FGD5: variants seen among roughly 807,000 people sequenced by gnomAD.
FGD5 encodes the protein FYVE, RhoGEF and PH domain-containing protein 5.
In FGD5, 28 loss-of-function variants were observed where a neutral mutation model predicts 133.4. The observed-to-expected ratio is 0.21, with a 90% CI of 0.16 to 0.29. FGD5 has a LOEUF of 0.29. Among genes scored for constraint, FGD5 ranks in the 10% least tolerant of loss-of-function variants. The pLI, the probability that FGD5 is intolerant of heterozygous loss-of-function variation, is 1.00. For synonymous variants in FGD5, 810 were observed against 776.5 expected (o/e 1.04, Z -0.72); for missense variants, 1,858 against 1,895.2 (o/e 0.98, Z 0.36).
At chr3:14,812,862 G>C (rs1477744941) in intron 1 of FGD5, among the ~76,000 whole-genome samples, 1 of 152,190 alleles carries the variant, frequency 6.6e-6, no homozygotes, top group Non-Finnish European at 1.5e-5. Flanking sequence ...GTAAATACCA[G>C]CTAATATTTA....
intron 11 of FGD5, among the ~76,000 whole-genome samples, chr3:14,914,654 A>G (rs998552803): frequency 5.9e-5 from 9 of 152,138 alleles, no homozygotes; most frequent in African/African-American, 2.2e-4. Flanking sequence ...GCACAGGTTC[A>G]CTGTGAGAGC....
Position 14,844,216 on chromosome 3 carries a change from AAATATATATATATATATAT to A in FGD5, c.2526-19910_2526-19892del, listed in dbSNP as rs1352861650. On this transcript the variant is annotated intron_variant, in intron 1 of 19. Coordinates refer to ENST00000285046, the MANE Select transcript of FGD5 (RefSeq NM_152536.4). ...TCTTAATAGGCATTAAAAAAAAAAA[AAATATATATATATATATAT>A]ATATATATATATATATATATATATA... Among the ~76,000 whole-genome samples the A allele has an allele frequency of 2.8e-3, 85 of 30,382 alleles. 7 individuals carry two copies. Among genetic ancestry groups the A allele is most frequent in the African/African-American group, 3.9e-3 (24 of 6,140 alleles). The allele number at this position is 30,382 out of a possible 152,430, so 19.9% of individuals were successfully genotyped here.
chr3:14,925,181 T>G (rs2038776403), intron 17 of FGD5, among the ~76,000 whole-genome samples: 1 of 150,466 alleles, frequency 6.6e-6, no homozygotes, highest in African/African-American at 2.5e-5. Context: ...GCACATATGA[T>G]GAAAAGTGAG....
At chr3:14,884,679 C>T (rs898910974) in intron 4 of FGD5, among the ~76,000 whole-genome samples, 1 of 152,206 alleles carries the variant, frequency 6.6e-6, no homozygotes, top group Admixed American at 6.5e-5. Context: ...GAGTTGGTCT[C>T]TGTTCCATGA....
At chr3:14,899,706 C>A (rs1385072977) in intron 7 of FGD5, among the ~76,000 whole-genome samples, 1 of 152,194 alleles carries the variant, frequency 6.6e-6, no homozygotes, top group Non-Finnish European at 1.5e-5. Context: ...AGCTTACACC[C>A]TAGACAAGCA....
At chr3:14,852,645 C>T (rs142832164) in intron 1 of FGD5, among the ~76,000 whole-genome samples, 1,719 of 152,216 alleles carry the variant, frequency 0.011, 19 homozygotes, top group Non-Finnish European at 0.016. Context: ...GATGCTGCTG[C>T]GTTTTAAGAG....
Position 14,830,742 on chromosome 3 carries a change from T to G in FGD5, c.2525+9146T>G, listed in dbSNP as rs1044198657. 3.9e-5 allele frequency among the ~76,000 whole-genome samples: 6 copies of G among 152,132 alleles called. No homozygotes were observed. In the South Asian group the frequency reaches 6.2e-4, roughly 16 times the overall value. ...GCCTCACTTTCCCCAGCTTTTCAAA[T>G]GGGGATGAGGCTGTCAGGCATAGCA... is the stretch of plus-strand genomic sequence containing the variant. On this transcript the variant is annotated intron_variant, in intron 1 of 19. Coordinates refer to ENST00000285046, the MANE Select transcript of FGD5 (RefSeq NM_152536.4).
rs1433520678 is a variant in FGD5 at position 14,922,342 on chromosome 3, C to T, written c.3670-69C>T. On this transcript the variant is annotated intron_variant, in intron 14 of 19. Transcript: ENST00000285046. This position sits in a 1 kb window ranked among gnomAD's most constrained non-coding sequence, Gnocchi z 4.1. ...CTGCACAGAGACGCAGGGCAGGGCT[C>T]ACTGGGCTCTGCATCTGGCTGGTCT... is the stretch of plus-strand genomic sequence containing the variant. 2.6e-6 allele frequency: 4 copies of T among 1,543,602 alleles called. No individual in the cohort carries two copies. Among genetic ancestry groups the T allele is most frequent in the South Asian group, 1.2e-5 (1 of 83,122 alleles).
intron 1 of FGD5, among the ~76,000 whole-genome samples, chr3:14,842,381 T>G (rs900899239): frequency 2.0e-5 from 3 of 152,178 alleles, no homozygotes; most frequent in African/African-American, 7.2e-5. Flanking sequence ...TCCCCACCCC[T>G]GTGCATCTCA....
At chr3:14,840,566 C>T (rs2036902410) in intron 1 of FGD5, among the ~76,000 whole-genome samples, 1 of 152,124 alleles carries the variant, frequency 6.6e-6, no homozygotes. Context: ...TCCCTGTCAG[C>T]ACAGGCAGAT....
chr3:14,839,705 G>T (rs2036881346), intron 1 of FGD5, among the ~76,000 whole-genome samples: 1 of 152,116 alleles, frequency 6.6e-6, no homozygotes, highest in African/African-American at 2.4e-5. Context: ...GGCCGAGGCG[G>T]GTGGATCACG....
chr3:14,932,819 C>G (rs1376855568), intron 19 of FGD5, 88 bp downstream of exon 19: 2 of 1,463,200 alleles, frequency 1.4e-6, no homozygotes, highest in Admixed American at 2.0e-5. Flanking sequence ...CTGTTCTGCT[C>G]CATTCATCCT....
intron 1 of FGD5, among the ~76,000 whole-genome samples, chr3:14,840,260 T>C (rs2036896337): frequency 6.6e-6 from 1 of 152,058 alleles, no homozygotes; most frequent in Non-Finnish European, 1.5e-5. Flanking sequence ...GTCTGCTGCC[T>C]CAGCCTCCTG....
Position 14,897,979 on chromosome 3 carries a change from G to T in FGD5, c.2950G>T (p.Glu984Ter). The stretch of plus-strand genomic sequence containing the variant: ...GGTAGCTGACGTCTTCCTGGCCCGG[G>T]AGCAGGGGTTTGATCACCACGCCAC... The part of the protein sequence containing the change: ...QKVADVFLAR[E>*]QGFDHHATHI... The change falls in exon 6 of 20, where the codon GAG becomes TAG. Residue 984 changes from glutamate to a stop codon, truncating the protein, a stop_gained. Transcript: ENST00000285046. LOFTEE classifies it high-confidence loss of function. 6.2e-7 allele frequency: 1 copy of T among 1,613,946 alleles called. No homozygotes were observed. Among genetic ancestry groups the T allele is most frequent in the Non-Finnish European group, 8.5e-7 (1 of 1,179,876 alleles).
Position 14,933,321 on chromosome 3 carries a change from C to G in FGD5, c.*154C>G, listed in dbSNP as rs1159663589. On this transcript the variant is annotated 3_prime_UTR_variant, in exon 20 of 20. Transcript: ENST00000285046. The stretch of plus-strand genomic sequence containing the variant: ...TATAACCGCCCCACCACTCCCCTGC[C>G]CTTGCCAACATCTTCATGAATGGAA... The G allele has an allele frequency of 9.4e-6, 7 of 742,650 alleles. No homozygotes were observed. In the African/African-American group the frequency reaches 1.2e-4, roughly 13 times the overall value. 46.0% of individuals were successfully genotyped at this position (742,650 alleles called of 1,614,324 possible).
chr3:14,910,781 CT>C, intron 10 of FGD5, 79 bp from the exon 11 acceptor site: 9 of 1,351,334 alleles, frequency 6.7e-6, no homozygotes, highest in Non-Finnish European at 9.3e-6. Context: ...TAAGTTTCCA[CT>C]CAGGGGCCTC....
chr3:14,879,242 C>T lies in FGD5; in HGVS notation c.2659-1330C>T, dbSNP rs77736865. 5.2e-3 allele frequency among the ~76,000 whole-genome samples: 789 copies of T among 152,346 alleles called. 17 individuals are homozygous for T. In the East Asian group the frequency reaches 0.069, roughly 13 times the overall value. The stretch of plus-strand genomic sequence containing the variant: ...GGAGGCAGGTGTTCCCAGCTGAGTG[C>T]CCTCTGCTCTGCCATGGGCCACCGC... On this transcript the variant is annotated intron_variant, in intron 2 of 19. Coordinates refer to ENST00000285046, the MANE Select transcript of FGD5 (RefSeq NM_152536.4).
At chr3:14,851,013 G>A (rs1025027029) in intron 1 of FGD5, among the ~76,000 whole-genome samples, 6 of 152,198 alleles carry the variant, frequency 3.9e-5, no homozygotes, top group African/African-American at 7.2e-5. Context: ...ACAGCGCGTC[G>A]TGGTGAGAAG....
intron 1 of FGD5, among the ~76,000 whole-genome samples, chr3:14,811,190 CT>C (rs993831202): frequency 1.3e-5 from 2 of 152,180 alleles, no homozygotes; most frequent in Non-Finnish European, 2.9e-5. Flanking sequence ...AAAGACGCCC[CT>C]TTCGCAAAAG....
Sources: gnomAD v4.1 joint callset for allele counts (sites outside exome capture counted in the v4.1 genomes callset) on GRCh38, gnomAD v4.1.1 for gene constraint, Gnocchi (gnomAD v3.1) non-coding constraint, MANE v1.5 for transcripts, NCBI Gene and HGNC (gene_info 2026-07-23, HGNC 2026-07-21) for gene names.